FSHR: variants seen among roughly 807,000 people sequenced by gnomAD.
FSHR encodes follicle stimulating hormone receptor, also known as follicle-stimulating hormone receptor.
In FSHR, 46 loss-of-function variants were observed where a neutral mutation model predicts 52.1. The ratio of observed to expected loss-of-function variants is 0.88; its 90% CI spans 0.70 to 1.13. The LOEUF (loss-of-function observed/expected upper bound fraction) is 1.13. Ranked by LOEUF, FSHR falls within the 50% of genes most tolerant of loss-of-function variation. The pLI, the probability that FSHR is intolerant of heterozygous loss-of-function variation, is 0.00. For synonymous variants in FSHR, 399 were observed against 309.6 expected, an observed-to-expected ratio of 1.29 and a Z score of -3.03; for missense variants, 964 against 834.6, an observed-to-expected ratio of 1.16 and a Z score of -1.91.
At chr2:49,134,350 C>T (rs1304920321) in intron 1 of FSHR, among the ~76,000 whole-genome samples, 10 of 152,130 alleles carry the variant, frequency 6.6e-5, no homozygotes, top group Admixed American at 1.3e-4. Context: ...AAATGCAAAT[C>T]GAAACCACAA....
At chr2:49,123,154 T>C (rs1200325059) in intron 1 of FSHR, among the ~76,000 whole-genome samples, 3 of 152,194 alleles carry the variant, frequency 2.0e-5, no homozygotes, top group Non-Finnish European at 4.4e-5. Context: ...CTATAAACTC[T>C]GTTTTAAAAG....
rs781192232 is a variant in FSHR, at chr2:48,963,360, G to T, written c.1461C>A (p.Ala487=). Residue 487 remains alanine (A), a synonymous_variant, in exon 10 of 10, where the codon GCC becomes GCA. Transcript: ENST00000406846. ...LDCKVQLRHA[A]SVMVMGWIFA... ...AAATCCAGCCCATCACCATGACACTGGCAGCATGGCGGAGCTGCACCTTGC... is the reference window on the plus strand; with the variant it reads ...AAATCCAGCCCATCACCATGACACTTGCAGCATGGCGGAGCTGCACCTTGC... 50 of 1,614,010 alleles carry T rather than the reference G, an allele frequency of 3.1e-5. No individual in the cohort carries two copies. Among genetic ancestry groups the T allele is most frequent in the Non-Finnish European group, 4.1e-5 (48 of 1,179,956 alleles).
chr2:49,099,823 A>T (rs964261474), intron 1 of FSHR, among the ~76,000 whole-genome samples: 1 of 152,150 alleles, frequency 6.6e-6, no homozygotes, highest in African/African-American at 2.4e-5. Flanking sequence ...GGAGGAATCT[A>T]TGCTAACCCT....
chr2:49,037,293 T>C (rs969368547), intron 2 of FSHR, among the ~76,000 whole-genome samples: 2 of 152,228 alleles, frequency 1.3e-5, no homozygotes, highest in Non-Finnish European at 2.9e-5. Flanking sequence ...TTAAATGTTA[T>C]AACAGAACTG....
intron 6 of FSHR, among the ~76,000 whole-genome samples, chr2:48,988,289 A>G (rs1312377440): frequency 6.6e-6 from 1 of 152,212 alleles, no homozygotes; most frequent in Non-Finnish European, 1.5e-5. Flanking sequence ...TATCTTACAG[A>G]TGTAAGTGCA....
intron 2 of FSHR, among the ~76,000 whole-genome samples, chr2:49,052,449 A>G (rs1029251881): frequency 7.2e-5 from 11 of 152,326 alleles, no homozygotes; most frequent in African/African-American, 2.2e-4. Flanking sequence ...TTAGATGTAC[A>G]TTAGAATCAT....
intron 4 of FSHR, among the ~76,000 whole-genome samples, chr2:48,991,665 G>T (rs990294596): frequency 4.6e-5 from 7 of 152,186 alleles, no homozygotes; most frequent in African/African-American, 1.7e-4. Context: ...GAGTGAAGCT[G>T]GATGAAATGT....
intron 2 of FSHR, among the ~76,000 whole-genome samples, chr2:49,059,178 T>C (rs1353763627): frequency 2.6e-5 from 4 of 152,076 alleles, no homozygotes; most frequent in Admixed American, 1.3e-4. Context: ...ATCACACTCC[T>C]GCCTGACTAA....
intron 1 of FSHR, among the ~76,000 whole-genome samples, chr2:49,071,508 A>G (rs55943184): frequency 0.17 from 25,912 of 152,166 alleles, 2,153 homozygotes; most frequent in Middle Eastern, 0.21. Flanking sequence ...TAGAAAAAGA[A>G]TATCTTTAAA....
intron 2 of FSHR, among the ~76,000 whole-genome samples, chr2:49,052,267 TA>T (rs74739257): frequency 0.16 from 24,593 of 152,086 alleles, 3,693 homozygotes; most frequent in African/African-American, 0.38. Flanking sequence ...TATCAGGTAC[TA>T]ATATGACCTC....
intron 1 of FSHR, among the ~76,000 whole-genome samples, chr2:49,093,128 C>T (rs1403471220): frequency 2.0e-5 from 3 of 152,200 alleles, no homozygotes; most frequent in South Asian, 4.1e-4. Context: ...CATAGTTTTC[C>T]TCTGTTTTAC....
intron 1 of FSHR, among the ~76,000 whole-genome samples, chr2:49,087,897 ATGTG>A (rs1462108024): frequency 1.3e-5 from 2 of 152,210 alleles, no homozygotes; most frequent in East Asian, 3.8e-4. Flanking sequence ...AGAGAGAGAT[ATGTG>A]TAGTCTAATA....
At position 49,024,433 on chromosome 2, in the gene FSHR, G is replaced by A. The variant is rs895956879; in HGVS notation, c.225-4273C>T. On this transcript the variant is annotated intron_variant, in intron 2 of 9. Transcript: ENST00000406846. The stretch of plus-strand genomic sequence containing the variant: ...CTACTAAAAATACAAAATTAGTCAT[G>A]CGTGGTGGTGCATGCCTGTGCTCCC... Among the ~76,000 whole-genome samples the A allele has an allele frequency of 2.6e-5, 4 of 152,106 alleles. No homozygotes were observed. The East Asian group carries it at 5.8e-4, about 22-fold the overall frequency.
intron 1 of FSHR, among the ~76,000 whole-genome samples, chr2:49,073,278 T>C (rs1449165647): frequency 6.6e-6 from 1 of 152,072 alleles, no homozygotes; most frequent in Non-Finnish European, 1.5e-5. Flanking sequence ...TGTTCCTACT[T>C]GCAGATTACA....
chr2:48,979,663 T>C (rs1479558088), intron 8 of FSHR, among the ~76,000 whole-genome samples: 1 of 152,140 alleles, frequency 6.6e-6, no homozygotes, highest in East Asian at 1.9e-4. Context: ...TGAAGGACCA[T>C]CTTAACTCCA....
intron 1 of FSHR, among the ~76,000 whole-genome samples, chr2:49,147,662 T>A (rs191972637): frequency 1.3e-5 from 2 of 152,150 alleles, no homozygotes; most frequent in East Asian, 3.9e-4. Flanking sequence ...AAGGATTCTT[T>A]CCCTGCAATG....
chr2:49,145,517 G>A (rs1245981609), intron 1 of FSHR, among the ~76,000 whole-genome samples: 4 of 152,084 alleles, frequency 2.6e-5, no homozygotes, highest in Non-Finnish European at 5.9e-5. Context: ...TATCATCTCT[G>A]TTCTGGCATC....
chr2:49,105,231 G>A (rs971831), intron 1 of FSHR, among the ~76,000 whole-genome samples: 56,048 of 151,910 alleles, frequency 0.37, 10,820 homozygotes, highest in East Asian at 0.53. Context: ...GGGAGCCTAT[G>A]TTGAAAACAA....
At chr2:49,005,486 A>G (rs1194843169) in intron 4 of FSHR, among the ~76,000 whole-genome samples, 1 of 152,160 alleles carries the variant, frequency 6.6e-6, no homozygotes, top group Non-Finnish European at 1.5e-5. Context: ...GAGATGGCTA[A>G]TAATTTCTTC....
Sources: gnomAD v4.1 joint callset for allele counts (sites outside exome capture counted in the v4.1 genomes callset) on GRCh38, gnomAD v4.1.1 for gene constraint, MANE v1.5 for transcripts, NCBI Gene and HGNC (gene_info 2026-07-23, HGNC 2026-07-21) for gene names.